Variants in CABLES2 observed in about 807,000 individuals in gnomAD.
The protein encoded by CABLES2 is CDK5 and ABL1 enzyme substrate 2.
A neutral mutation model predicts 44.8 loss-of-function variants in CABLES2; 35 were observed. The ratio of observed to expected loss-of-function variants is 0.78; its 90% CI spans 0.60 to 1.04. The LOEUF (loss-of-function observed/expected upper bound fraction) is 1.04, where lower values mean the gene tolerates loss of function less well. Among genes scored for constraint, CABLES2 ranks in the 50% least tolerant of loss-of-function variants. The pLI is 0.00. For synonymous variants in CABLES2, 282 were observed against 281.1 expected, an observed-to-expected ratio of 1.00 and a Z score of -0.03; for missense variants, 566 against 615.7, an observed-to-expected ratio of 0.92 and a Z score of 0.85.
rs1447795095 is a variant in CABLES2 at position 62,393,481 on chromosome 20, T to G, written c.839A>C (p.Lys280Thr). The change falls in exon 6 of 10, where the codon AAA becomes ACA. Residue 280 changes from lysine to threonine, a missense_variant. By Grantham distance (78) the Lys-to-Thr change is moderately conservative. This residue lies in a region of CABLES2 where 436 missense variants were observed against 536.3 expected (regional missense o/e 0.81). Coordinates refer to ENST00000279101, the MANE Select transcript of CABLES2 (RefSeq NM_031215.3). ...TGGTGCCGACTTGGTGGGGGCAGGTTTATGTCTTGACCCTGGCAGAGTCCG... is the reference window on the plus strand; with the variant it reads ...TGGTGCCGACTTGGTGGGGGCAGGTGTATGTCTTGACCCTGGCAGAGTCCG... ...VPRTLPGSRH[K>T]PAPTKSAPAS... 6.2e-7 allele frequency: 1 copy of G among 1,612,724 alleles called. No individual in the cohort carries two copies. The highest frequency in any genetic ancestry group is 8.5e-7 in the Non-Finnish European group (1 of 1,179,294).
rs1987924940 is a variant in CABLES2 at position 62,391,861 on chromosome 20, G to A, written c.1092-408C>T. 6.6e-6 allele frequency among the ~76,000 whole-genome samples: 1 copy of A among 152,072 alleles called. No individual in the cohort carries two copies. Among genetic ancestry groups the A allele is most frequent in the Non-Finnish European group, 1.5e-5 (1 of 68,000 alleles). On this transcript the variant is annotated intron_variant, in intron 8 of 9. Coordinates refer to ENST00000279101, the MANE Select transcript of CABLES2 (RefSeq NM_031215.3). The surrounding 1 kb of genome is among the most constrained non-coding windows in gnomAD (Gnocchi z 5.7). ...ACTGGGGCAGAGGCCGGCAGGGCAG[G>A]CCCCCAGTACAGGGCCGTGGCCAGG... is the stretch of plus-strand genomic sequence containing the variant.
At chr20:62,393,127 G>A (rs1426481697) in intron 6 of CABLES2, 104 bp from the exon 7 acceptor site, 5 of 1,022,898 alleles carry the variant, frequency 4.9e-6, no homozygotes, top group Non-Finnish European at 7.4e-6. Context: ...CCGAGCAGGG[G>A]AGGGGCTCTA....
At chr20:62,397,898 G>GGCA (rs1555890638) in intron 1 of CABLES2, among the ~76,000 whole-genome samples, 3 of 149,058 alleles carry the variant, frequency 2.0e-5, no homozygotes, top group East Asian at 2.1e-4. Flanking sequence ...TGATGGCGGT[G>GGCA]GTGGTGATGG....
chr20:62,398,062 TGGTGGTGAC>T lies in CABLES2; in HGVS notation c.363-1479_363-1471del, dbSNP rs1569017446. ...ATGGTGATGGTGGTGATGGCGATGG[TGGTGGTGAC>T]GGTGGTGGTGGTGGTGACGGTGGTG... On this transcript the variant is annotated intron_variant, in intron 1 of 9. Transcript: ENST00000279101. Among the ~76,000 whole-genome samples the T allele has an allele frequency of 3.3e-5, 3 of 90,444 alleles. 1 individual carries two copies. The Admixed American group carries it at 3.6e-4, about 11-fold the overall frequency. The allele number at this position is 90,444 out of a possible 152,430, so 59.3% of individuals were successfully genotyped here.
At chr20:62,398,258 GTGA>G (rs1988116207) in intron 1 of CABLES2, among the ~76,000 whole-genome samples, 1 of 134,618 alleles carries the variant, frequency 7.4e-6, no homozygotes, top group African/African-American at 3.0e-5. Flanking sequence ...GATGGTGGTG[GTGA>G]TGGTGATGGC....
rs1036674307 is a variant in CABLES2 at position 62,396,812 on chromosome 20, C to T, written c.363-220G>A. Among the ~76,000 whole-genome samples the T allele has an allele frequency of 6.6e-6, 1 of 151,804 alleles. No homozygotes were observed. The highest frequency in any genetic ancestry group is 1.5e-5 in the Non-Finnish European group (1 of 67,978). ...TGTTTTGGAGGCACTGAGCTCTTCT[C>T]TGGGGACCAGCAGCCCTGGGGGACA... is the stretch of plus-strand genomic sequence containing the variant. On this transcript the variant is annotated intron_variant, in intron 1 of 9. Coordinates refer to ENST00000279101, the MANE Select transcript of CABLES2 (RefSeq NM_031215.3). This position sits in a 1 kb window ranked among gnomAD's most constrained non-coding sequence, Gnocchi z 5.7.
rs1288652307 is a variant in CABLES2, at chr20:62,407,127, GA to G, written c.149del (p.Phe50SerfsTer109). ...GDSRRRQAAL[F>X]FLNNISLDGR... ...CGTCCAGGGAGATGTTGTTGAGGAAGAAAAGCGCGGCCTGGCGGCGCCGCGA... is the reference window on the plus strand; with the variant it reads ...CGTCCAGGGAGATGTTGTTGAGGAAGAAAGCGCGGCCTGGCGGCGCCGCGA... On this transcript the variant is annotated frameshift_variant, in exon 1 of 10. Coordinates refer to ENST00000279101, the MANE Select transcript of CABLES2 (RefSeq NM_031215.3). LOFTEE classifies it high-confidence loss of function. 1 of 1,033,118 alleles carries G rather than the reference GA, an allele frequency of 9.7e-7. No individual in the cohort carries two copies. Among genetic ancestry groups the G allele is most frequent in the South Asian group, 4.3e-5 (1 of 23,502 alleles). 64.0% of individuals were successfully genotyped at this position (1,033,118 alleles called of 1,614,324 possible).
rs1240995571 is a variant in CABLES2 at position 62,388,669 on chromosome 20, C to G, written c.*2302G>C. The stretch of plus-strand genomic sequence containing the variant: ...GAGGTTTAAAGGACAAATACATTAT[C>G]CATTTAAAAACAGATATCTAAGACA... On this transcript the variant is annotated 3_prime_UTR_variant, in exon 10 of 10. Coordinates refer to ENST00000279101, the MANE Select transcript of CABLES2 (RefSeq NM_031215.3). The G allele has an allele frequency of 5.0e-6, 3 of 602,952 alleles. No individual in the cohort carries two copies. The highest frequency in any genetic ancestry group is 8.8e-6 in the Non-Finnish European group (3 of 341,788). The allele number at this position is 602,952 out of a possible 1,614,324, so 37.4% of individuals were successfully genotyped here.
intron 1 of CABLES2, chr20:62,402,697 C>G (rs1042892162): frequency 6.6e-6 from 1 of 152,320 alleles, no homozygotes; most frequent in African/African-American, 2.4e-5. Flanking sequence ...CTCATCAAGT[C>G]CCAGGTAAAG....
chr20:62,400,257 CTGCACAGTGGGGTGGGT>C lies in CABLES2; in HGVS notation c.363-3682_363-3666del, dbSNP rs1434001078. ...AGGGCTGGGGATGCGGTGGGCTGGC[CTGCACAGTGGGGTGGGT>C]GGGGAAGGAGGAGCTAAGGGGCTGG... On this transcript the variant is annotated intron_variant, in intron 1 of 9. Transcript: ENST00000279101. Among the ~76,000 whole-genome samples, 8 of 148,886 alleles carry C rather than the reference CTGCACAGTGGGGTGGGT, an allele frequency of 5.4e-5. No individual in the cohort carries two copies. The South Asian group carries it at 1.5e-3, about 28-fold the overall frequency.
chr20:62,399,007 C>T (rs923861426), intron 1 of CABLES2, among the ~76,000 whole-genome samples: 2 of 152,134 alleles, frequency 1.3e-5, no homozygotes, highest in Non-Finnish European at 2.9e-5. Context: ...AGTGCAATGG[C>T]GCCATCTTGG....
In CABLES2 at chr20:62,390,771, G is replaced by A. The variant is rs1390998174; in HGVS notation, c.*200C>T. The A allele has an allele frequency of 1.5e-5, 9 of 593,030 alleles. No individual in the cohort carries two copies. Among genetic ancestry groups the A allele is most frequent in the East Asian group, 1.4e-4 (5 of 36,018 alleles). 36.7% of individuals were successfully genotyped at this position (593,030 alleles called of 1,614,324 possible). Reference sequence around the variant, plus strand: ...TTCTCAGAAATCCCCTCGGAGGGACGGTGCACTTGGGGATGAAAGCGACGT... The same window carrying A: ...TTCTCAGAAATCCCCTCGGAGGGACAGTGCACTTGGGGATGAAAGCGACGT... On this transcript the variant is annotated 3_prime_UTR_variant, in exon 10 of 10. Transcript: ENST00000279101.
intron 1 of CABLES2, among the ~76,000 whole-genome samples, chr20:62,398,094 G>GTGGTGGTGGTGGTGGTGGTGATGGTGA: frequency 7.2e-6 from 1 of 139,040 alleles, no homozygotes; most frequent in East Asian, 2.2e-4. Flanking sequence ...GGTGACGGTG[G>GTGGTGGTGGTGGTGGTGGTGATGGTGA]TGGTGGTGGT....
rs189996287 is a variant in CABLES2, at chr20:62,394,328, C to A, written c.606-63G>T. On this transcript the variant is annotated intron_variant, in intron 4 of 9. Transcript: ENST00000279101. ...CTGAACTCAGGCTCTGGCAGCCCAG[C>A]CCACCTGTCCGCTGGCCCGAGGTGC... 8,162 of 1,359,736 alleles carry A rather than the reference C, an allele frequency of 6.0e-3. 49 individuals are homozygous for A. The highest frequency in any genetic ancestry group is 0.014 in the South Asian group (1,227 of 85,880). The allele number at this position is 1,359,736 out of a possible 1,614,324, so 84.2% of individuals were successfully genotyped here. A position where few individuals can be genotyped will look rare whatever the true frequency, so the allele number is the denominator to read the frequency against.
chr20:62,392,825 C>A, intron 7 of CABLES2, 95 bp downstream of exon 7: 4 of 1,131,856 alleles, frequency 3.5e-6, no homozygotes, highest in South Asian at 1.3e-5. Context: ...CACGTCACGC[C>A]CCTGGGGCAG....
intron 1 of CABLES2, among the ~76,000 whole-genome samples, chr20:62,398,073 G>GTGGTAA (rs1569017485): frequency 1.2e-3 from 47 of 38,732 alleles, no homozygotes; most frequent in Middle Eastern, 0.019. Context: ...GGTGGTGACG[G>GTGGTAA]TGGTGGTGGT....
At chr20:62,393,346 G>C in intron 6 of CABLES2, 94 bp downstream of exon 6, 4 of 1,322,954 alleles carry the variant, frequency 3.0e-6, no homozygotes, top group Non-Finnish European at 4.2e-6. Flanking sequence ...GCTACAGATT[G>C]AAAGGGGCTT....
Position 62,396,430 on chromosome 20 carries a change from C to T in CABLES2, c.435-23G>A. The T allele has an allele frequency of 1.2e-6, 2 of 1,613,330 alleles. No individual in the cohort carries two copies. The highest frequency in any genetic ancestry group is 1.7e-5 in the Admixed American group (1 of 60,026). The stretch of plus-strand genomic sequence containing the variant: ...GTTCTGCAAGGCAAAGGACACAGGT[C>T]ACTCTTTTCCTCCCAGGACCCTCTG... On this transcript the variant is annotated intron_variant, in intron 2 of 9. Transcript: ENST00000279101. This position sits in a 1 kb window ranked among gnomAD's most constrained non-coding sequence, Gnocchi z 5.7.
At chr20:62,400,708 C>G (rs1398441004) in intron 1 of CABLES2, among the ~76,000 whole-genome samples, 2 of 152,134 alleles carry the variant, frequency 1.3e-5, no homozygotes, top group East Asian at 1.9e-4. Flanking sequence ...CCCGCGGCAG[C>G]CTGCCTGGTG....
Sources: gnomAD v4.1 joint callset for allele counts (sites outside exome capture counted in the v4.1 genomes callset) on GRCh38, gnomAD v4.1.1 for gene constraint, gnomAD v4.1.1 regional missense constraint, Gnocchi (gnomAD v3.1) non-coding constraint, MANE v1.5 for transcripts, NCBI Gene and HGNC (gene_info 2026-07-23, HGNC 2026-07-21) for gene names.